Variants in GLIPR1L2 observed in about 807,000 individuals in gnomAD.
GLIPR1L2 encodes the protein GLIPR1-like protein 2.
In GLIPR1L2, 21 loss-of-function variants were observed where a neutral mutation model predicts 28.4. The observed-to-expected ratio is 0.74, with a 90% confidence interval of 0.52 to 1.06. The LOEUF is 1.06. Among genes scored for constraint, GLIPR1L2 ranks in the 50% least tolerant of loss-of-function variants. The probability of loss-of-function intolerance (pLI) is 0.00; values close to 1 mark genes in which losing one functional copy is unlikely to be tolerated. For missense variants in GLIPR1L2, 476 were observed against 416.9 expected (o/e 1.14, Z -1.23); for synonymous variants, 145 against 139.3 (o/e 1.04, Z -0.29).
At chr12:75,398,446 T>G (rs1336756780) in intron 1 of GLIPR1L2, among the ~76,000 whole-genome samples, 1 of 152,072 alleles carries the variant, frequency 6.6e-6, no homozygotes, top group African/African-American at 2.4e-5. Flanking sequence ...AACTAAACAT[T>G]TTATTCCCAT....
At position 75,413,607 on chromosome 12, in the gene GLIPR1L2, G is replaced by A; in HGVS notation, c.490G>A (p.Asp164Asn). The change falls in exon 3 of 6, where the codon GAC (aspartate) becomes AAC (asparagine). Residue 164 changes from aspartate (D) to asparagine (N), a missense_variant. Coordinates refer to ENST00000550916, the MANE Select transcript of GLIPR1L2 (RefSeq NM_001270396.2). The part of the protein sequence containing the change: ...DCSNYIQLVW[D>N]HSYKVGCAVT... ...GAAAATTTTATTTTAGCTTGTTTGG[G>A]ACCACTCTTACAAAGTTGGTTGTGC... is the stretch of plus-strand genomic sequence containing the variant. 1 of 1,544,348 alleles carries A rather than the reference G, an allele frequency of 6.5e-7. No individual in the cohort carries two copies. The highest frequency in any genetic ancestry group is 8.7e-7 in the Non-Finnish European group (1 of 1,148,904).
At chr12:75,417,039 GC>G (rs917522401) in intron 3 of GLIPR1L2, among the ~76,000 whole-genome samples, 16 of 151,950 alleles carry the variant, frequency 1.1e-4, no homozygotes, top group Non-Finnish European at 7.4e-5. Flanking sequence ...GATGAATGGT[GC>G]CCCCCCTACC....
At chr12:75,427,393 A>G (rs1282372021) in intron 4 of GLIPR1L2, among the ~76,000 whole-genome samples, 1 of 152,266 alleles carries the variant, frequency 6.6e-6, no homozygotes, top group Admixed American at 6.5e-5. Flanking sequence ...AATCTAATAT[A>G]GAAATCATTA....
chr12:75,400,047 A>G (rs765021262), intron 1 of GLIPR1L2, among the ~76,000 whole-genome samples: 1 of 152,246 alleles, frequency 6.6e-6, no homozygotes, highest in Non-Finnish European at 1.5e-5. Flanking sequence ...TAACTAAAGT[A>G]AGTGTGGTTC....
intron 1 of GLIPR1L2, among the ~76,000 whole-genome samples, chr12:75,397,861 A>G (rs954167208): frequency 6.6e-6 from 1 of 152,050 alleles, no homozygotes; most frequent in Non-Finnish European, 1.5e-5. Context: ...CTTGTCTTAG[A>G]TGGTTCTATG....
intron 1 of GLIPR1L2, among the ~76,000 whole-genome samples, chr12:75,395,913 T>C (rs536186388): frequency 6.6e-6 from 1 of 152,202 alleles, no homozygotes; most frequent in African/African-American, 2.4e-5. Flanking sequence ...CTGGTAACTT[T>C]GGGTTTTGTT....
intron 4 of GLIPR1L2, among the ~76,000 whole-genome samples, chr12:75,429,006 A>G (rs927460323): frequency 1.3e-5 from 2 of 152,208 alleles, no homozygotes; most frequent in African/African-American, 4.8e-5. Context: ...GAGAACCTCT[A>G]CTAGGGCAAT....
Position 75,431,578 on chromosome 12 carries a change from G to A in GLIPR1L2, c.*417G>A, listed in dbSNP as rs2046093262. On this transcript the variant is annotated 3_prime_UTR_variant, in exon 6 of 6. Coordinates refer to ENST00000550916, the MANE Select transcript of GLIPR1L2 (RefSeq NM_001270396.2). Reference sequence around the variant, plus strand: ...TCATAACAACCATTGAATAAAATTTGTATTTTTTTGTTTTTACTGTTACTG... The same window carrying A: ...TCATAACAACCATTGAATAAAATTTATATTTTTTTGTTTTTACTGTTACTG... 1 of 155,290 alleles carries A rather than the reference G, an allele frequency of 6.4e-6. No homozygotes were observed. The highest frequency in any genetic ancestry group is 1.4e-5 in the Non-Finnish European group (1 of 70,164). 9.6% of individuals were successfully genotyped at this position (155,290 alleles called of 1,614,324 possible).
In GLIPR1L2 at chr12:75,410,562, G is replaced by A. The variant is rs1222774356; in HGVS notation, c.363G>A (p.Trp121Ter). The change falls in exon 2 of 6, where the codon TGG (tryptophan) becomes TGA (stop). Residue 121 changes from tryptophan (W) to a stop codon, truncating the protein, a stop_gained. Transcript: ENST00000550916. LOFTEE classifies it high-confidence loss of function. ...TTTATGGTATTGGTGAAAATATGTG[G>A]GTCGGCCCTGAAAATGAATTTACTG... ...PKFYGIGENM[W>*]VGPENEFTAS... 2.5e-6 allele frequency: 4 copies of A among 1,612,230 alleles called. No individual in the cohort carries two copies. The South Asian group carries it at 3.3e-5, about 13-fold the overall frequency.
chr12:75,391,299 C>T lies in GLIPR1L2; in HGVS notation c.183C>T (p.His61=), dbSNP rs2045584727. The change falls in exon 1 of 6, where the codon CAC becomes CAT. Residue 61 remains histidine (H), a synonymous_variant. Coordinates refer to ENST00000550916, the MANE Select transcript of GLIPR1L2 (RefSeq NM_001270396.2). Reference sequence around the variant, plus strand: ...TTATCAACGAGTACGTGAACCTCCACAATGAGCTGCGGGGCGACGTCATTC... The same window carrying T: ...TTATCAACGAGTACGTGAACCTCCATAATGAGCTGCGGGGCGACGTCATTC... ...VDFINEYVNL[H]NELRGDVIPR... The T allele has an allele frequency of 6.2e-7, 1 of 1,614,096 alleles. No individual in the cohort carries two copies.
intron 1 of GLIPR1L2, among the ~76,000 whole-genome samples, chr12:75,398,712 A>G (rs1312754341): frequency 1.3e-5 from 2 of 152,212 alleles, no homozygotes; most frequent in Non-Finnish European, 1.5e-5. Context: ...AATATTACAA[A>G]TAAATCTTCC....
intron 1 of GLIPR1L2, among the ~76,000 whole-genome samples, chr12:75,393,894 A>G (rs1270390202): frequency 6.6e-6 from 1 of 151,844 alleles, no homozygotes; most frequent in African/African-American, 2.4e-5. Context: ...CACATCCTTG[A>G]TAACACTTGT....
chr12:75,391,803 G>A (rs2045608598), intron 1 of GLIPR1L2, among the ~76,000 whole-genome samples: 1 of 151,980 alleles, frequency 6.6e-6, no homozygotes, highest in Non-Finnish European at 1.5e-5. Flanking sequence ...GTTTGTATTT[G>A]AAATTTTTAT....
intron 4 of GLIPR1L2, 175 bp downstream of exon 4, chr12:75,423,164 C>T: frequency 1.4e-6 from 2 of 1,469,578 alleles, no homozygotes; most frequent in South Asian, 1.5e-5. Context: ...TTCTAAACTG[C>T]AGAGCTTTTT....
At chr12:75,418,172 T>C (rs1256668281) in intron 3 of GLIPR1L2, among the ~76,000 whole-genome samples, 1 of 152,142 alleles carries the variant, frequency 6.6e-6, no homozygotes, top group Non-Finnish European at 1.5e-5. Flanking sequence ...GGTCAATAAG[T>C]AGATCCAAAT....
chr12:75,431,233 A>C lies in GLIPR1L2; in HGVS notation c.*72A>C, dbSNP rs1224950019. Reference sequence around the variant, plus strand: ...GTGTAATACAAAAAAAGACAGAAAAAAAAAAAAAGTAAAACACTGAGTTTT... The same window carrying C: ...GTGTAATACAAAAAAAGACAGAAAACAAAAAAAAGTAAAACACTGAGTTTT... On this transcript the variant is annotated 3_prime_UTR_variant, in exon 6 of 6. Transcript: ENST00000550916. 1 of 595,724 alleles carries C rather than the reference A, an allele frequency of 1.7e-6. No homozygotes were observed. 36.9% of individuals were successfully genotyped at this position (595,724 alleles called of 1,614,324 possible).
At chr12:75,420,167 G>A (rs1322497622) in intron 3 of GLIPR1L2, among the ~76,000 whole-genome samples, 1 of 152,200 alleles carries the variant, frequency 6.6e-6, no homozygotes, top group African/African-American at 2.4e-5. Flanking sequence ...TTTGGCTCTT[G>A]TTCTGTGAAT....
chr12:75,415,925 G>T (rs1594020382), intron 3 of GLIPR1L2, among the ~76,000 whole-genome samples: 1 of 151,822 alleles, frequency 6.6e-6, no homozygotes, highest in Non-Finnish European at 1.5e-5. Flanking sequence ...TAAGGTCAGT[G>T]GTGCCTTATA....
rs1433904952 is a variant in GLIPR1L2, at chr12:75,432,506, T to A, written c.*1345T>A. 1.3e-5 allele frequency: 2 copies of A among 149,434 alleles called. No individual in the cohort carries two copies. Among genetic ancestry groups the A allele is most frequent in the Non-Finnish European group, 3.0e-5 (2 of 67,294 alleles). The allele number at this position is 149,434 out of a possible 1,614,324, so 9.3% of individuals were successfully genotyped here. ...TGTGTTCTAAAGCTATATTTCTCAA[T>A]GTGTGGTTCCACTGAGGGAAAGAAA... On this transcript the variant is annotated 3_prime_UTR_variant, in exon 6 of 6. Coordinates refer to ENST00000550916, the MANE Select transcript of GLIPR1L2 (RefSeq NM_001270396.2).
Sources: allele counts gnomAD v4.1 joint callset (sites outside exome capture counted in the v4.1 genomes callset), GRCh38; gene constraint gnomAD v4.1.1; transcripts MANE v1.5; gene names NCBI Gene and HGNC (gene_info 2026-07-23, HGNC 2026-07-21).